Variants in ZNF438 observed in about 807,000 individuals in gnomAD.
The protein encoded by ZNF438 is zinc finger protein 438.
ZNF438 carries 25 observed loss-of-function variants against 38.0 expected under a neutral mutation model. The observed-to-expected ratio is 0.66, with a 90% CI of 0.48 to 0.92. ZNF438 has a LOEUF of 0.92. Ranked by LOEUF, ZNF438 falls within the 40% of genes least tolerant of loss-of-function variation. ZNF438 has a pLI of 0.00. For missense variants in ZNF438, 1,007 were observed against 999.6 expected (o/e 1.01, Z -0.10); for synonymous variants, 372 against 364.1 (o/e 1.02, Z -0.25).
chr10:30,962,012 G>T (rs554263658), intron 1 of ZNF438, among the ~76,000 whole-genome samples: 1 of 146,772 alleles, frequency 6.8e-6, no homozygotes, highest in South Asian at 2.2e-4. Flanking sequence ...GTAAAGTACT[G>T]GTTCTCTCCA....
intron 1 of ZNF438, among the ~76,000 whole-genome samples, chr10:30,967,559 C>T (rs1405769120): frequency 6.6e-6 from 1 of 152,108 alleles, no homozygotes; most frequent in Non-Finnish European, 1.5e-5. Context: ...CACTAAACTA[C>T]GAATGAATAG....
chr10:30,987,381 T>A (rs1174992248), intron 1 of ZNF438, among the ~76,000 whole-genome samples: 6 of 149,538 alleles, frequency 4.0e-5, no homozygotes, highest in South Asian at 2.1e-4. Context: ...AAAAAAAAAA[T>A]TCCAGCATGA....
chr10:30,885,208 TTAGG>T (rs1257747580), intron 3 of ZNF438, among the ~76,000 whole-genome samples: 1 of 152,230 alleles, frequency 6.6e-6, no homozygotes, highest in Non-Finnish European at 1.5e-5. Flanking sequence ...TCTCAGAGCT[TTAGG>T]TAATTCATAA....
In ZNF438 at chr10:30,932,621, C is replaced by T. The variant is rs554726523; in HGVS notation, c.-115+8954G>A. ...AATGCAGCACTCTGCCTCAAGGAAC[C>T]CTGCCCTTAACCATTACTCTGCACT... On this transcript the variant is annotated intron_variant, in intron 2 of 5. Coordinates refer to ENST00000413025, the Ensembl canonical transcript of ZNF438. Among the ~76,000 whole-genome samples, 12 of 152,260 alleles carry T rather than the reference C, an allele frequency of 7.9e-5. No individual in the cohort carries two copies. The South Asian group carries it at 2.1e-3, about 26-fold the overall frequency.
chr10:30,955,008 C>A (rs1162000026), intron 1 of ZNF438, among the ~76,000 whole-genome samples: 1 of 152,164 alleles, frequency 6.6e-6, no homozygotes, highest in Admixed American at 6.5e-5. Context: ...ATCAAAATTT[C>A]TATGGACCAG....
chr10:30,899,484 T>TA (rs1481324597), intron 3 of ZNF438, among the ~76,000 whole-genome samples: 1 of 152,192 alleles, frequency 6.6e-6, no homozygotes, highest in Non-Finnish European at 1.5e-5. Context: ...ACAAAGGCTT[T>TA]AAAGAAATAA....
intron 1 of ZNF438, among the ~76,000 whole-genome samples, chr10:30,947,706 G>T (rs896518283): frequency 3.9e-5 from 6 of 152,360 alleles, no homozygotes; most frequent in African/African-American, 1.4e-4. Context: ...CTCCGAGCCA[G>T]GTGTGGGATA....
intron 1 of ZNF438, among the ~76,000 whole-genome samples, chr10:31,019,215 ACTTAGCATAAAAACCAAAGTCCT>A (rs1375003748): frequency 6.6e-6 from 1 of 152,152 alleles, no homozygotes; most frequent in East Asian, 1.9e-4. Context: ...TTCCTATTTC[ACTTAGCATAAAAACCAAAGTCCT>A]CACAATGACC....
At chr10:31,004,707 G>A (rs1375761265) in intron 1 of ZNF438, among the ~76,000 whole-genome samples, 1 of 152,086 alleles carries the variant, frequency 6.6e-6, no homozygotes, top group South Asian at 2.1e-4. Flanking sequence ...AGGTACAAAG[G>A]AATTGAAAGA....
At chr10:30,847,240 G>C (rs1030227034) in intron 5 of ZNF438, among the ~76,000 whole-genome samples, 2 of 152,188 alleles carry the variant, frequency 1.3e-5, no homozygotes, top group African/African-American at 4.8e-5. Context: ...GCTTTTCTGG[G>C]TCTGTCCATG....
chr10:30,957,182 T>G (rs1224193385), intron 1 of ZNF438, among the ~76,000 whole-genome samples: 1 of 152,228 alleles, frequency 6.6e-6, no homozygotes, highest in Non-Finnish European at 1.5e-5. Flanking sequence ...GCCATTTGCA[T>G]GTCTTCTTTT....
intron 3 of ZNF438, among the ~76,000 whole-genome samples, chr10:30,886,922 T>TAA (rs926797449): frequency 6.6e-6 from 1 of 152,218 alleles, no homozygotes; most frequent in African/African-American, 2.4e-5. Flanking sequence ...ATCACTGTAT[T>TAA]AATCATGGCT....
At chr10:30,845,033 G>C (rs774646827) in exon 6 of ZNF438, 1 of 1,614,166 alleles carries the variant, frequency 6.2e-7, no homozygotes, top group Non-Finnish European at 8.5e-7. Flanking sequence ...CCCACAGTTT[G>C]GAAGGGTCCT....
chr10:30,982,323 G>C (rs770160450), intron 1 of ZNF438, among the ~76,000 whole-genome samples: 22 of 151,902 alleles, frequency 1.4e-4, no homozygotes, highest in Non-Finnish European at 2.8e-4. Flanking sequence ...GGATGGTCTC[G>C]ATCTCCTGAC....
chr10:30,884,851 G>T (rs2039740388), intron 3 of ZNF438, among the ~76,000 whole-genome samples: 1 of 152,172 alleles, frequency 6.6e-6, no homozygotes, highest in South Asian at 2.1e-4. Context: ...CTTTGTCTTT[G>T]TTATGCTGCT....
chr10:30,871,553 A>G (rs929617075), intron 4 of ZNF438, among the ~76,000 whole-genome samples: 3 of 152,232 alleles, frequency 2.0e-5, no homozygotes, highest in African/African-American at 7.2e-5. Context: ...AAACTTTAAG[A>G]ATGATATGAG....
chr10:30,959,582 CA>C (rs760298159), intron 1 of ZNF438, among the ~76,000 whole-genome samples: 11,942 of 123,146 alleles, frequency 0.097, 1,577 homozygotes, highest in Non-Finnish European at 0.14. Flanking sequence ...ACTAAAAATA[CA>C]AAAAAAAAAA....
At position 30,865,164 on chromosome 10, in the gene ZNF438, C is replaced by A. The variant is rs373366866; in HGVS notation, c.37+11834G>T. On this transcript the variant is annotated intron_variant, in intron 4 of 5. Coordinates refer to ENST00000413025, the Ensembl canonical transcript of ZNF438. ...ATCTCAATGTTGAGAAAAGAAAGAT[C>A]TTTTTGAACAACCTTTTTCCAATCA... Among the ~76,000 whole-genome samples, 5 of 152,312 alleles carry A rather than the reference C, an allele frequency of 3.3e-5. No homozygotes were observed. In the East Asian group the frequency reaches 9.6e-4, roughly 29 times the overall value.
At chr10:30,999,124 G>A (rs2054383208) in intron 1 of ZNF438, among the ~76,000 whole-genome samples, 1 of 151,984 alleles carries the variant, frequency 6.6e-6, no homozygotes. Context: ...AAGTTAAATT[G>A]TAAGACAGCT....
Sources: allele counts gnomAD v4.1 joint callset (sites outside exome capture counted in the v4.1 genomes callset), GRCh38; gene constraint gnomAD v4.1.1; transcripts MANE v1.5; gene names NCBI Gene and HGNC (gene_info 2026-07-23, HGNC 2026-07-21).